The following PRKACB variants were observed in gnomAD, a reference collection of about 807,000 sequenced individuals.
PRKACB encodes protein kinase cAMP-activated catalytic subunit beta, also known as cAMP-dependent protein kinase catalytic subunit beta.
Under a neutral mutation model 51.4 loss-of-function variants are expected in PRKACB, and 16 were observed. The ratio of observed to expected loss-of-function variants is 0.31; its 90% CI spans 0.21 to 0.47. PRKACB has a LOEUF of 0.47. Among genes scored for constraint, PRKACB ranks in the 20% least tolerant of loss-of-function variants. PRKACB has a pLI of 1.00. For synonymous variants in PRKACB, 147 were observed against 154.4 expected (o/e 0.95, Z 0.35); for missense variants, 309 against 464.5 (o/e 0.67, Z 3.08).
chr1:84,100,944 A>G (rs1259036222), intron 1 of PRKACB, among the ~76,000 whole-genome samples: 2 of 152,164 alleles, frequency 1.3e-5, no homozygotes, highest in South Asian at 2.1e-4. Flanking sequence ...AGTGTTGTTA[A>G]CCGTGCCATA....
At chr1:84,198,841 A>ATATATGTG (rs957666334) in intron 7 of PRKACB, among the ~76,000 whole-genome samples, 2 of 149,390 alleles carry the variant, frequency 1.3e-5, no homozygotes, top group Non-Finnish European at 3.0e-5. Flanking sequence ...ACATATATGT[A>ATATATGTG]TATATGTGTA....
At chr1:84,085,782 C>T (rs948314033) in intron 1 of PRKACB, 13 of 359,894 alleles carry the variant, frequency 3.6e-5, no homozygotes, top group African/African-American at 6.3e-5. Context: ...TGGCCTCAGT[C>T]GTCTCCAGGA....
chr1:84,164,630 G>A, intron 1 of PRKACB: 5 of 1,388,132 alleles, frequency 3.6e-6, no homozygotes, highest in African/African-American at 1.5e-5. Flanking sequence ...TGTTGCCGTG[G>A]TAACAACTCA....
chr1:84,154,579 C>T (rs1315256393), intron 1 of PRKACB, among the ~76,000 whole-genome samples: 2 of 152,088 alleles, frequency 1.3e-5, no homozygotes, highest in East Asian at 3.9e-4. Context: ...GGCAGCATTG[C>T]TCTGATACCA....
Position 84,182,339 on chromosome 1 carries a change from T to A in PRKACB, c.378+11T>A, listed in dbSNP as rs762315361. The A allele has an allele frequency of 4.6e-6, 7 of 1,521,484 alleles. No homozygotes were observed. Among genetic ancestry groups the A allele is most frequent in the South Asian group, 2.9e-5 (2 of 69,658 alleles). The allele number at this position is 1,521,484 out of a possible 1,614,324, so 94.2% of individuals were successfully genotyped here. On this transcript the variant is annotated intron_variant, in intron 3 of 9. Transcript: ENST00000370685. ...TTAGATAAGCAGAAGGTGAGTGTAT[T>A]TGTTGTTATTTACCTTCAGGGTAAA...
chr1:84,213,112 G>A (rs573876666), intron 8 of PRKACB, among the ~76,000 whole-genome samples: 38 of 152,200 alleles, frequency 2.5e-4, no homozygotes, highest in Middle Eastern at 3.4e-3. Context: ...TCTACAAAGT[G>A]CTATGATCAA....
chr1:84,120,719 A>G (rs1320616922), intron 1 of PRKACB, among the ~76,000 whole-genome samples: 1 of 152,134 alleles, frequency 6.6e-6, no homozygotes, highest in African/African-American at 2.4e-5. Context: ...TTTATAACTG[A>G]CAAAGTATCT....
rs41301166 is a variant in PRKACB at position 84,204,145 on chromosome 1, C to G, written c.906+1340C>G. On this transcript the variant is annotated intron_variant, in intron 8 of 9. Transcript: ENST00000370685. ...ATACATTTCAGCACAGTATTGTTCCCTATCTCATAGTACATATGCACTCTA... is the reference window on the plus strand; with the variant it reads ...ATACATTTCAGCACAGTATTGTTCCGTATCTCATAGTACATATGCACTCTA... Among the ~76,000 whole-genome samples the G allele has an allele frequency of 8.5e-3, 1,286 of 152,042 alleles. 7 individuals carry two copies. Among genetic ancestry groups the G allele is most frequent in the Non-Finnish European group, 0.014 (967 of 67,838 alleles).
chr1:84,085,006 A>T (rs1647851168), intron 1 of PRKACB, among the ~76,000 whole-genome samples: 1 of 152,240 alleles, frequency 6.6e-6, no homozygotes, highest in African/African-American at 2.4e-5. Flanking sequence ...AAACTATAAC[A>T]TCTGGCATAA....
chr1:84,080,034 G>A (rs1178797385), intron 1 of PRKACB, among the ~76,000 whole-genome samples: 3 of 152,138 alleles, frequency 2.0e-5, no homozygotes, highest in East Asian at 1.9e-4. Context: ...AATGCAAAAA[G>A]TATAAAGAAT....
chr1:84,207,192 A>G (rs1023524996), intron 8 of PRKACB, among the ~76,000 whole-genome samples: 48 of 152,156 alleles, frequency 3.2e-4, no homozygotes, highest in Admixed American at 1.0e-3. Context: ...CCTATGAGCA[A>G]ATAATTGCAA....
chr1:84,195,382 G>C (rs1202409138), intron 5 of PRKACB, among the ~76,000 whole-genome samples: 1 of 152,192 alleles, frequency 6.6e-6, no homozygotes, highest in Non-Finnish European at 1.5e-5. Context: ...GTTGGAATTT[G>C]TATTTCTCTT....
At chr1:84,208,925 AAG>A (rs1435928112) in intron 8 of PRKACB, among the ~76,000 whole-genome samples, 5 of 152,214 alleles carry the variant, frequency 3.3e-5, no homozygotes, top group Non-Finnish European at 5.9e-5. Context: ...CTTTCTACTA[AAG>A]AAATAGCTTG....
intron 5 of PRKACB, among the ~76,000 whole-genome samples, chr1:84,190,465 G>A (rs952657424): frequency 1.4e-4 from 22 of 151,860 alleles, no homozygotes; most frequent in African/African-American, 4.8e-4. Context: ...TTTATAGCCT[G>A]TTAATATCAA....
At chr1:84,158,018 A>G (rs539788871) in intron 1 of PRKACB, among the ~76,000 whole-genome samples, 14 of 151,906 alleles carry the variant, frequency 9.2e-5, no homozygotes, top group Admixed American at 5.9e-4. Context: ...GTAAGGTAAG[A>G]GGGTTCCAGT....
At chr1:84,096,161 A>T (rs923367745) in intron 1 of PRKACB, among the ~76,000 whole-genome samples, 2 of 151,986 alleles carry the variant, frequency 1.3e-5, no homozygotes, top group East Asian at 1.9e-4. Flanking sequence ...TCTATTTCCT[A>T]TTCTTACTCC....
chr1:84,183,932 A>C lies in PRKACB; in HGVS notation c.379-105A>C, dbSNP rs1664344284. On this transcript the variant is annotated intron_variant, in intron 3 of 9. Transcript: ENST00000370685. ...ATTATCTTCCTTATCCAATTCTAAC[A>C]ATTTTGCTTATCCAAGTTTATTACT... is the stretch of plus-strand genomic sequence containing the variant. 3 of 1,196,750 alleles carry C rather than the reference A, an allele frequency of 2.5e-6. No homozygotes were observed. The East Asian group carries it at 8.7e-5, about 35-fold the overall frequency. 74.1% of individuals were successfully genotyped at this position (1,196,750 alleles called of 1,614,324 possible).
chr1:84,107,809 G>T (rs1649900749), intron 1 of PRKACB, among the ~76,000 whole-genome samples: 1 of 152,004 alleles, frequency 6.6e-6, no homozygotes, highest in African/African-American at 2.4e-5. Context: ...AGTCAGAATG[G>T]CTATTATTAA....
intron 9 of PRKACB, among the ~76,000 whole-genome samples, chr1:84,225,941 G>A (rs1194490070): frequency 6.6e-6 from 1 of 152,186 alleles, no homozygotes; most frequent in Non-Finnish European, 1.5e-5. Context: ...TATTCAACAT[G>A]TGATTATCTA....
Sources: allele counts gnomAD v4.1 joint callset (sites outside exome capture counted in the v4.1 genomes callset), GRCh38; gene constraint gnomAD v4.1.1; transcripts MANE v1.5; gene names NCBI Gene and HGNC (gene_info 2026-07-23, HGNC 2026-07-21).